SLC25A21: variants seen among roughly 807,000 people sequenced by gnomAD.
The protein encoded by SLC25A21 is solute carrier family 25 member 21, also known as mitochondrial 2-oxodicarboxylate carrier.
SLC25A21 carries 47 observed loss-of-function variants against 43.8 expected under a neutral mutation model. That is an observed-to-expected ratio of 1.07 (90% CI 0.85 to 1.37). The LOEUF is 1.37. SLC25A21 is among the 40% of genes most tolerant of loss of function. The pLI is 0.00. For missense variants in SLC25A21, 352 were observed against 350.2 expected, an observed-to-expected ratio of 1.00 and a Z score of -0.04; for synonymous variants, 131 against 121.3, an observed-to-expected ratio of 1.08 and a Z score of -0.52.
intron 1 of SLC25A21, among the ~76,000 whole-genome samples, chr14:36,960,635 C>T (rs1030448691): frequency 1.2e-4 from 18 of 152,290 alleles, no homozygotes; most frequent in African/African-American, 4.3e-4. Context: ...CCTTCCCCTG[C>T]CCCGCCTTCT....
chr14:36,921,982 TA>T, intron 1 of SLC25A21, among the ~76,000 whole-genome samples: 1 of 151,678 alleles, frequency 6.6e-6, no homozygotes. Flanking sequence ...CCATCTCTAC[TA>T]AAAATACAAA....
At chr14:37,137,556 A>G (rs1963503348) in intron 1 of SLC25A21, among the ~76,000 whole-genome samples, 1 of 152,204 alleles carries the variant, frequency 6.6e-6, no homozygotes. Context: ...GATAAAATAT[A>G]AAGTAAATAA....
intron 2 of SLC25A21, among the ~76,000 whole-genome samples, chr14:36,837,685 A>C (rs1594629670): frequency 6.6e-6 from 1 of 152,166 alleles, no homozygotes; most frequent in Admixed American, 6.5e-5. Flanking sequence ...AGCTCAAGGA[A>C]GCAATGACAC....
chr14:36,994,121 T>C (rs1037813818), intron 1 of SLC25A21, among the ~76,000 whole-genome samples: 5 of 152,176 alleles, frequency 3.3e-5, no homozygotes, highest in African/African-American at 1.2e-4. Context: ...TCAAGTATAC[T>C]CTGAGTGATG....
chr14:37,169,580 A>AACACAC (rs1321339179), intron 1 of SLC25A21, among the ~76,000 whole-genome samples: 49,482 of 145,082 alleles, frequency 0.34, 8,920 homozygotes, highest in African/African-American at 0.48. Context: ...AAAAGGTCAT[A>AACACAC]ACACACACAC....
intron 6 of SLC25A21, among the ~76,000 whole-genome samples, chr14:36,722,077 G>C (rs1884395322): frequency 6.6e-6 from 1 of 152,102 alleles, no homozygotes; most frequent in African/African-American, 2.4e-5. Flanking sequence ...CCCACATGTT[G>C]GAAGTTACTA....
chr14:37,107,886 T>C lies in SLC25A21; in HGVS notation c.70+64395A>G, dbSNP rs140139460. ...AATCAGTTGTGGGTCCTAGTAAAAA[T>C]GACAATAGGCCTCAGTTTCCTTGAG... On this transcript the variant is annotated intron_variant, in intron 1 of 9. Coordinates refer to ENST00000331299, the MANE Select transcript of SLC25A21 (RefSeq NM_030631.4). 2.4e-4 allele frequency among the ~76,000 whole-genome samples: 36 copies of C among 152,252 alleles called. No homozygotes were observed. In the East Asian group the frequency reaches 6.6e-3, roughly 28 times the overall value.
chr14:37,015,406 G>A (rs1159604748), intron 1 of SLC25A21, among the ~76,000 whole-genome samples: 2 of 151,980 alleles, frequency 1.3e-5, no homozygotes, highest in South Asian at 2.1e-4. Context: ...ATTCCATGGT[G>A]TATATATGCC....
intron 1 of SLC25A21, among the ~76,000 whole-genome samples, chr14:37,003,201 A>AT (rs1284677031): frequency 6.6e-6 from 1 of 152,216 alleles, no homozygotes; most frequent in Non-Finnish European, 1.5e-5. Flanking sequence ...TAGAACATAC[A>AT]TAAGAATATA....
chr14:36,963,391 T>C (rs943888564), intron 1 of SLC25A21, among the ~76,000 whole-genome samples: 2 of 152,230 alleles, frequency 1.3e-5, no homozygotes, highest in South Asian at 4.1e-4. Context: ...AAGGTATTTA[T>C]GGCTGACAGA....
intron 3 of SLC25A21, among the ~76,000 whole-genome samples, chr14:36,789,622 A>G (rs1213446975): frequency 6.8e-6 from 1 of 147,172 alleles, no homozygotes; most frequent in Non-Finnish European, 1.5e-5. Flanking sequence ...ATAAAAACCT[A>G]AAACATAAGG....
intron 2 of SLC25A21, among the ~76,000 whole-genome samples, chr14:36,836,381 G>C (rs749631371): frequency 9.2e-5 from 14 of 152,196 alleles, no homozygotes; most frequent in Non-Finnish European, 1.8e-4. Context: ...GTGCACTTCT[G>C]TTCAAAATAC....
At chr14:37,016,070 G>T (rs1310499664) in intron 1 of SLC25A21, among the ~76,000 whole-genome samples, 1 of 151,946 alleles carries the variant, frequency 6.6e-6, no homozygotes, top group South Asian at 2.1e-4. Flanking sequence ...GTCAATTTTG[G>T]CTTTTGTTGC....
chr14:36,722,296 G>A (rs1477264380), intron 6 of SLC25A21, among the ~76,000 whole-genome samples: 1 of 152,096 alleles, frequency 6.6e-6, no homozygotes, highest in African/African-American at 2.4e-5. Context: ...GGGATGAATC[G>A]GCAGAACACA....
intron 3 of SLC25A21, among the ~76,000 whole-genome samples, chr14:36,790,797 C>A (rs1887457803): frequency 6.6e-6 from 1 of 152,040 alleles, no homozygotes; most frequent in African/African-American, 2.4e-5. Context: ...CTATTCAAAG[C>A]AGGAATTTGG....
chr14:36,754,253 G>C (rs570959152), intron 3 of SLC25A21, among the ~76,000 whole-genome samples: 4 of 152,232 alleles, frequency 2.6e-5, no homozygotes, highest in African/African-American at 9.6e-5. Context: ...AGAACAAAAG[G>C]CTGACCTTTC....
chr14:36,768,160 T>C (rs1182181304), intron 3 of SLC25A21, among the ~76,000 whole-genome samples: 2 of 152,196 alleles, frequency 1.3e-5, no homozygotes, highest in Non-Finnish European at 2.9e-5. Flanking sequence ...TCAGTACACT[T>C]GGGCTTTATA....
At chr14:37,001,584 AT>A (rs1960490961) in intron 1 of SLC25A21, among the ~76,000 whole-genome samples, 1 of 151,490 alleles carries the variant, frequency 6.6e-6, no homozygotes, top group Non-Finnish European at 1.5e-5. Flanking sequence ...GCAACCTTTC[AT>A]TTTTTTCTTC....
chr14:37,093,627 G>A (rs762886579), intron 1 of SLC25A21, among the ~76,000 whole-genome samples: 15 of 152,178 alleles, frequency 9.9e-5, no homozygotes, highest in Non-Finnish European at 1.9e-4. Flanking sequence ...AATTCATTGC[G>A]TGTAAGAAAG....
Sources: gnomAD v4.1 joint callset for allele counts (sites outside exome capture counted in the v4.1 genomes callset) on GRCh38, gnomAD v4.1.1 for gene constraint, MANE v1.5 for transcripts, NCBI Gene and HGNC (gene_info 2026-07-23, HGNC 2026-07-21) for gene names.